The following IQCJ variants were observed in gnomAD, a reference collection of about 807,000 sequenced individuals.
IQCJ encodes the protein IQ motif containing J, also known as IQ domain-containing protein J.
Under a neutral mutation model 11.0 loss-of-function variants are expected in IQCJ, and 9 were observed. That is an observed-to-expected ratio of 0.82 (90% CI 0.49 to 1.43). IQCJ has a LOEUF of 1.43. Among genes scored for constraint, IQCJ ranks in the 40% most tolerant of loss-of-function variants. The probability of loss-of-function intolerance (pLI) is 0.00; values close to 1 mark genes in which losing one functional copy is unlikely to be tolerated. For missense variants in IQCJ, 146 were observed against 133.2 expected, an observed-to-expected ratio of 1.10 and a Z score of -0.47; for synonymous variants, 55 against 51.3, an observed-to-expected ratio of 1.07 and a Z score of -0.31.
intron 1 of IQCJ, among the ~76,000 whole-genome samples, chr3:159,134,239 T>A (rs1720158136): frequency 6.6e-6 from 1 of 152,094 alleles, no homozygotes; most frequent in Admixed American, 6.5e-5. Flanking sequence ...AGAGTAAGTC[T>A]GATAGCAAGA....
chr3:159,154,174 G>A (rs1463249798), intron 1 of IQCJ, among the ~76,000 whole-genome samples: 1 of 152,110 alleles, frequency 6.6e-6, no homozygotes, highest in Non-Finnish European at 1.5e-5. Flanking sequence ...GCACACTGAG[G>A]GGATGATAAA....
intron 1 of IQCJ, among the ~76,000 whole-genome samples, chr3:159,203,506 C>G (rs1724470506): frequency 6.6e-6 from 1 of 151,912 alleles, no homozygotes; most frequent in Middle Eastern, 3.2e-3. Context: ...CACCACCCTC[C>G]CCTCCTAAGA....
intron 1 of IQCJ, among the ~76,000 whole-genome samples, chr3:159,118,829 C>A (rs957007448): frequency 6.6e-6 from 1 of 152,124 alleles, no homozygotes; most frequent in Non-Finnish European, 1.5e-5. Flanking sequence ...AGAGTCTATG[C>A]CTAATCTACA....
intron 1 of IQCJ, among the ~76,000 whole-genome samples, chr3:159,087,560 G>T (rs61795968): frequency 0.19 from 29,030 of 150,516 alleles, 3,460 homozygotes; most frequent in South Asian, 0.35. Context: ...GACTCTTTTT[G>T]GTTGGTAAGC....
intron 1 of IQCJ, among the ~76,000 whole-genome samples, chr3:159,203,874 G>C (rs1724496961): frequency 6.6e-6 from 1 of 152,188 alleles, no homozygotes; most frequent in African/African-American, 2.4e-5. Context: ...GTCAAGAGCA[G>C]TTTTCTGTGG....
chr3:159,090,357 C>T (rs1205096982), intron 1 of IQCJ, among the ~76,000 whole-genome samples: 2 of 151,832 alleles, frequency 1.3e-5, no homozygotes, highest in African/African-American at 4.9e-5. Flanking sequence ...CAGAAATCAC[C>T]CGTCTTCTGC....
chr3:159,216,356 A>G (rs1034747943), intron 1 of IQCJ, among the ~76,000 whole-genome samples: 2 of 152,204 alleles, frequency 1.3e-5, no homozygotes, highest in South Asian at 2.1e-4. Flanking sequence ...CTCCTGGAAT[A>G]CGCATAAAGA....
At chr3:159,161,560 T>G (rs1235667200) in intron 1 of IQCJ, among the ~76,000 whole-genome samples, 2 of 152,228 alleles carry the variant, frequency 1.3e-5, no homozygotes, top group Non-Finnish European at 2.9e-5. Flanking sequence ...CAATTTTGGC[T>G]TTTGTTGCCA....
In IQCJ at chr3:159,085,269, A is replaced by C. The variant is rs1251275958; in HGVS notation, c.9+15828A>C. On this transcript the variant is annotated intron_variant, in intron 1 of 3. Coordinates refer to ENST00000397832, the MANE Select transcript of IQCJ (RefSeq NM_001042706.3). ...AACTCATCATTTTTTATGGCTGCAT[A>C]GTATTCCATGGTGTATATGTGCCAC... is the stretch of plus-strand genomic sequence containing the variant. Among the ~76,000 whole-genome samples, 76 of 151,372 alleles carry C rather than the reference A, an allele frequency of 5.0e-4. 1 individual carries two copies. The highest frequency in any genetic ancestry group is 4.3e-3 in the East Asian group (22 of 5,132).
intron 1 of IQCJ, among the ~76,000 whole-genome samples, chr3:159,228,070 T>C (rs1725964699): frequency 6.6e-6 from 1 of 152,234 alleles, no homozygotes; most frequent in South Asian, 2.1e-4. Flanking sequence ...GTTCCAGTAA[T>C]TTCTTACTCC....
chr3:159,121,757 G>A, intron 1 of IQCJ, among the ~76,000 whole-genome samples: 1 of 152,130 alleles, frequency 6.6e-6, no homozygotes, highest in East Asian at 1.9e-4. Flanking sequence ...GCTCAGTCTT[G>A]TATTGGTTAC....
chr3:159,132,928 CTTTCTTTGCTTTCT>C (rs988158034), intron 1 of IQCJ, among the ~76,000 whole-genome samples: 4 of 145,122 alleles, frequency 2.8e-5, no homozygotes, highest in Non-Finnish European at 4.6e-5. Context: ...TGCTTGCTTT[CTTTCTTTGCTTTCT>C]TTTCTTTCTT....
At chr3:159,083,422 T>C (rs1410336196) in intron 1 of IQCJ, among the ~76,000 whole-genome samples, 2 of 152,128 alleles carry the variant, frequency 1.3e-5, no homozygotes, top group East Asian at 3.9e-4. Context: ...TATCACTATG[T>C]ATCAAATCAG....
intron 1 of IQCJ, among the ~76,000 whole-genome samples, chr3:159,079,162 T>C (rs538917578): frequency 3.9e-5 from 6 of 152,080 alleles, no homozygotes; most frequent in African/African-American, 1.4e-4. Context: ...GCAGGAAAGC[T>C]ACTTTAAACT....
At chr3:159,152,448 C>T (rs6765003) in intron 1 of IQCJ, among the ~76,000 whole-genome samples, 60,867 of 151,914 alleles carry the variant, frequency 0.4, 13,238 homozygotes, top group South Asian at 0.59. Context: ...CTCCAATGTA[C>T]GTTACCATGT....
At chr3:159,189,861 TTCTTTC>T (rs1723583942) in intron 1 of IQCJ, among the ~76,000 whole-genome samples, 1 of 152,206 alleles carries the variant, frequency 6.6e-6, no homozygotes, top group Non-Finnish European at 1.5e-5. Flanking sequence ...GTCCTAACTG[TTCTTTC>T]CCCTCATTGC....
chr3:159,083,211 A>G (rs1716451970), intron 1 of IQCJ, among the ~76,000 whole-genome samples: 2 of 152,180 alleles, frequency 1.3e-5, no homozygotes, highest in African/African-American at 4.8e-5. Context: ...CAAATGGCAT[A>G]TCTAACAAAG....
At chr3:159,147,769 A>G (rs954573500) in intron 1 of IQCJ, among the ~76,000 whole-genome samples, 4 of 152,220 alleles carry the variant, frequency 2.6e-5, no homozygotes, top group African/African-American at 7.2e-5. Context: ...TGTCAACATA[A>G]TTCATGGTTA....
At chr3:159,091,400 C>G (rs891114646) in intron 1 of IQCJ, among the ~76,000 whole-genome samples, 1 of 151,668 alleles carries the variant, frequency 6.6e-6, no homozygotes, top group African/African-American at 2.4e-5. Context: ...TTGTTGTATT[C>G]TTACCTTGTG....
Sources: allele counts gnomAD v4.1 joint callset (sites outside exome capture counted in the v4.1 genomes callset), GRCh38; gene constraint gnomAD v4.1.1; transcripts MANE v1.5; gene names NCBI Gene and HGNC (gene_info 2026-07-23, HGNC 2026-07-21).